Variants in AGO1 observed in about 807,000 individuals in gnomAD.
AGO1 encodes the protein protein argonaute-1.
In AGO1, 11 loss-of-function variants were observed where a neutral mutation model predicts 109.2. The ratio of observed to expected loss-of-function variants is 0.10; its 90% CI spans 0.06 to 0.17. AGO1 has a LOEUF of 0.17. Ranked by LOEUF, AGO1 falls within the 10% of genes least tolerant of loss-of-function variation. AGO1 has a pLI of 1.00. For missense variants in AGO1, 574 were observed against 1,140.3 expected, an observed-to-expected ratio of 0.50 and a Z score of 7.15; for synonymous variants, 422 against 418.6, an observed-to-expected ratio of 1.01 and a Z score of -0.10.
chr1:35,894,563 A>ACCT (rs1272206620), intron 7 of AGO1, among the ~76,000 whole-genome samples, 161 bp downstream of exon 7: 2 of 151,608 alleles, frequency 1.3e-5, no homozygotes, highest in Non-Finnish European at 2.9e-5. Context: ...TCCTTTCTCA[A>ACCT]CCTTCTCTGA....
At chr1:35,884,846 C>A (rs1302509384) in intron 1 of AGO1, among the ~76,000 whole-genome samples, 1 of 152,154 alleles carries the variant, frequency 6.6e-6, no homozygotes, top group Non-Finnish European at 1.5e-5. Context: ...TGTGATGGGA[C>A]GAGGAGCCTG....
chr1:35,878,075 TTTTA>T (rs566213872), intron 1 of AGO1, among the ~76,000 whole-genome samples: 20 of 151,504 alleles, frequency 1.3e-4, no homozygotes, highest in African/African-American at 4.4e-4. Flanking sequence ...TCCTTTTTAT[TTTTA>T]TTTATTTATT....
chr1:35,894,930 C>G (rs561832713), intron 7 of AGO1, among the ~76,000 whole-genome samples, 192 bp from the exon 8 acceptor site: 1 of 152,266 alleles, frequency 6.6e-6, no homozygotes, highest in East Asian at 1.9e-4. Flanking sequence ...CCCTGTATGT[C>G]CTGTTTTCCC....
Position 35,893,087 on chromosome 1 carries a change from C to G in AGO1, c.331-10C>G. 6.2e-7 allele frequency: 1 copy of G among 1,612,380 alleles called. No homozygotes were observed. Among genetic ancestry groups the G allele is most frequent in the East Asian group, 2.2e-5 (1 of 44,844 alleles). ...GCAATCCTTCATCCCTTTCTTTCAC[C>G]CTCCTGAAGGTCGACTTTGAGGTGA... On this transcript the variant is annotated splice_polypyrimidine_tract_variant and intron_variant, in intron 3 of 18. Coordinates refer to ENST00000373204, the MANE Select transcript of AGO1 (RefSeq NM_012199.5). The surrounding 1 kb of genome is among the most constrained non-coding windows in gnomAD (Gnocchi z 5.6).
intron 2 of AGO1, 43 bp from the exon 3 acceptor site, chr1:35,892,509 AGTGGT>A: frequency 6.2e-7 from 1 of 1,613,594 alleles, no homozygotes; most frequent in Non-Finnish European, 8.5e-7. Flanking sequence ...CAAAACTTGA[AGTGGT>A]GGTAGTCTCT....
At chr1:35,895,298 T>A in intron 8 of AGO1, 29 bp downstream of exon 8, 1 of 1,604,204 alleles carries the variant, frequency 6.2e-7, no homozygotes, top group African/African-American at 1.3e-5. Flanking sequence ...GGCTGGGGAA[T>A]AGGCATTGTA....
chr1:35,883,514 G>T lies in AGO1; in HGVS notation c.25+68G>T. 2 of 1,472,190 alleles carry T rather than the reference G, an allele frequency of 1.4e-6. No individual in the cohort carries two copies. The highest frequency in any genetic ancestry group is 2.8e-5 in the East Asian group (1 of 36,344). 91.2% of individuals were successfully genotyped at this position (1,472,190 alleles called of 1,614,324 possible). A position where few individuals can be genotyped will look rare whatever the true frequency, so the allele number is the denominator to read the frequency against. ...TGGGGGATCCCGCATGAAAAGCGTGGTTTCCAAGTGATGGAAGCGCTCCTG... is the reference window on the plus strand; with the variant it reads ...TGGGGGATCCCGCATGAAAAGCGTGTTTTCCAAGTGATGGAAGCGCTCCTG... On this transcript the variant is annotated intron_variant, in intron 1 of 18. Transcript: ENST00000373204. The surrounding 1 kb of genome is among the most constrained non-coding windows in gnomAD (Gnocchi z 5.4).
chr1:35,901,683 C>T lies in AGO1; in HGVS notation c.1140+90C>T. 5 of 1,590,312 alleles carry T rather than the reference C, an allele frequency of 3.1e-6. No individual in the cohort carries two copies. The South Asian group carries it at 5.7e-5, about 18-fold the overall frequency. The stretch of plus-strand genomic sequence containing the variant: ...CAGCAGGACCTTCCTTCAGGAGAAC[C>T]CAAGTCTAGATTTGTTGCCTAGGAC... On this transcript the variant is annotated intron_variant, in intron 9 of 18. Transcript: ENST00000373204. The surrounding 1 kb of genome is among the most constrained non-coding windows in gnomAD (Gnocchi z 4.8).
chr1:35,874,206 C>T (rs1259846527), intron 1 of AGO1, among the ~76,000 whole-genome samples: 1 of 152,118 alleles, frequency 6.6e-6, no homozygotes, highest in African/African-American at 2.4e-5. Context: ...ATTCTGTCAC[C>T]GGGGTTGCTG....
At position 35,904,747 on chromosome 1, in the gene AGO1, C is replaced by G. The variant is rs571717514; in HGVS notation, c.1398-2188C>G. Among the ~76,000 whole-genome samples the G allele has an allele frequency of 2.6e-5, 4 of 152,244 alleles. 1 individual carries two copies. The South Asian group carries it at 8.3e-4, about 32-fold the overall frequency. ...CTAAAGGTAAATATTTCCAAGTCATCTATAGCAGTGGCTGAGATTGTCCAG... is the reference window on the plus strand; with the variant it reads ...CTAAAGGTAAATATTTCCAAGTCATGTATAGCAGTGGCTGAGATTGTCCAG... On this transcript the variant is annotated intron_variant, in intron 11 of 18. Coordinates refer to ENST00000373204, the MANE Select transcript of AGO1 (RefSeq NM_012199.5).
rs1417265705 is a variant in AGO1 at position 35,923,075 on chromosome 1, T to C, written c.*3468T>C. 1 of 152,218 alleles carries C rather than the reference T, an allele frequency of 6.6e-6. No homozygotes were observed. Among genetic ancestry groups the C allele is most frequent in the Non-Finnish European group, 1.5e-5 (1 of 68,066 alleles). 9.4% of individuals were successfully genotyped at this position (152,218 alleles called of 1,614,324 possible). ...GAGAGCACTGTTCTTTGATTGTTTA[T>C]CCAGTCCAACCTGATCCATTAGGGA... On this transcript the variant is annotated 3_prime_UTR_variant, in exon 19 of 19. Coordinates refer to ENST00000373204, the MANE Select transcript of AGO1 (RefSeq NM_012199.5).
In AGO1 at chr1:35,906,998, T is replaced by C. The variant is rs769789947; in HGVS notation, c.1461T>C (p.Pro487=). 1.9e-6 allele frequency: 3 copies of C among 1,614,116 alleles called. No individual in the cohort carries two copies. The highest frequency in any genetic ancestry group is 2.5e-6 in the Non-Finnish European group (3 of 1,179,990). The change falls in exon 12 of 19, where the codon CCT becomes CCC. Residue 487 remains proline (P), a synonymous_variant. Transcript: ENST00000373204. ...KDAGMPIQGQ[P]CFCKYAQGAD... is the part of the protein sequence containing the mutation. ...CGGGGATGCCTATCCAGGGTCAACC[T>C]TGTTTCTGCAAATATGCACAGGGGG... is the stretch of plus-strand genomic sequence containing the variant.
chr1:35,915,437 C>A lies in AGO1; in HGVS notation c.1923C>A (p.Ser641=). 1.2e-6 allele frequency: 2 copies of A among 1,614,104 alleles called. No individual in the cohort carries two copies. Among genetic ancestry groups the A allele is most frequent in the Non-Finnish European group, 1.7e-6 (2 of 1,180,022 alleles). The change falls in exon 15 of 19, where the codon TCC becomes TCA. Residue 641 remains serine, a synonymous_variant. Coordinates refer to ENST00000373204, the MANE Select transcript of AGO1 (RefSeq NM_012199.5). Reference sequence around the variant, plus strand: ...GGCAAGAGATCATTGAAGACTTGTCCTACATGGTGCGTGAGCTCCTCATCC... The same window carrying A: ...GGCAAGAGATCATTGAAGACTTGTCATACATGGTGCGTGAGCTCCTCATCC... The part of the protein sequence containing the change: ...RPRQEIIEDL[S]YMVRELLIQF...
intron 8 of AGO1, among the ~76,000 whole-genome samples, chr1:35,900,144 G>C (rs1264707413): frequency 1.3e-5 from 2 of 152,220 alleles, no homozygotes; most frequent in Non-Finnish European, 2.9e-5. Context: ...GACACTGTCA[G>C]CCAACAGAGA....
At chr1:35,895,366 GAC>G in intron 8 of AGO1, 97 bp downstream of exon 8, 1 of 1,356,806 alleles carries the variant, frequency 7.4e-7, no homozygotes, top group Non-Finnish European at 9.9e-7. Flanking sequence ...TTGGAAAACT[GAC>G]ATTCTGAGAA....
chr1:35,875,660 C>T (rs576546864), intron 1 of AGO1, among the ~76,000 whole-genome samples: 1 of 152,232 alleles, frequency 6.6e-6, no homozygotes, highest in South Asian at 2.1e-4. Flanking sequence ...GATCTGCCTG[C>T]CTTGGCCTCT....
At chr1:35,897,130 GA>G (rs1456741007) in intron 8 of AGO1, among the ~76,000 whole-genome samples, 5 of 152,194 alleles carry the variant, frequency 3.3e-5, no homozygotes, top group Non-Finnish European at 7.3e-5. Context: ...CTAGAAGGGG[GA>G]GATAGACAAT....
At position 35,901,532 on chromosome 1, in the gene AGO1, C is replaced by T. The variant is rs1645416507; in HGVS notation, c.1079C>T (p.Ser360Leu). 6.2e-7 allele frequency: 1 copy of T among 1,614,136 alleles called. No homozygotes were observed. The highest frequency in any genetic ancestry group is 8.5e-7 in the Non-Finnish European group (1 of 1,180,016). The change falls in exon 9 of 19, where the codon TCG (serine) becomes TTG (leucine). Residue 360 changes from serine to leucine, a missense_variant. Around this residue, in one of 8 missense-constraint regions of AGO1, gnomAD observed 42 missense variants for 142.4 expected, o/e 0.29. Transcript: ENST00000373204. The surrounding 1 kb of genome is among the most constrained non-coding windows in gnomAD (Gnocchi z 4.8). ...CIKKLTDNQT[S>L]TMIKATARSA... Reference sequence around the variant, plus strand: ...AAAAAGCTGACCGACAACCAGACCTCGACCATGATAAAGGCCACAGCTAGA... The same window carrying T: ...AAAAAGCTGACCGACAACCAGACCTTGACCATGATAAAGGCCACAGCTAGA...
At chr1:35,875,429 T>C (rs369457261) in intron 1 of AGO1, among the ~76,000 whole-genome samples, 2 of 152,222 alleles carry the variant, frequency 1.3e-5, no homozygotes, top group East Asian at 1.9e-4. Flanking sequence ...TTATTTATTT[T>C]TTGAGACAAA....
Sources: gnomAD v4.1 joint callset for allele counts (sites outside exome capture counted in the v4.1 genomes callset) on GRCh38, gnomAD v4.1.1 for gene constraint, gnomAD v4.1.1 regional missense constraint, Gnocchi (gnomAD v3.1) non-coding constraint, MANE v1.5 for transcripts, NCBI Gene and HGNC (gene_info 2026-07-23, HGNC 2026-07-21) for gene names.